RYR3: variants seen among roughly 807,000 people sequenced by gnomAD.
RYR3 encodes the protein brain ryanodine receptor-calcium release channel.
In RYR3, 207 loss-of-function variants were observed where a neutral mutation model predicts 584.3. The observed-to-expected ratio is 0.35, with a 90% CI of 0.32 to 0.40. The LOEUF is 0.40. Ranked by LOEUF, RYR3 falls within the 10% of genes least tolerant of loss-of-function variation. RYR3 has a pLI of 1.00. For missense variants in RYR3, 5,616 were observed against 6,089.2 expected, an observed-to-expected ratio of 0.92 and a Z score of 2.59; for synonymous variants, 2,416 against 2,248.5, an observed-to-expected ratio of 1.07 and a Z score of -2.11.
chr15:33,781,772 C>T (rs74008304), intron 65 of RYR3, among the ~76,000 whole-genome samples: 3 of 151,380 alleles, frequency 2.0e-5, no homozygotes, highest in East Asian at 1.9e-4. Context: ...TCCAAAGTCC[C>T]GTATGAAATC....
rs140107936 is a variant in RYR3 at position 33,862,120 on chromosome 15, T to C, written c.14465+942T>C. The stretch of plus-strand genomic sequence containing the variant: ...TTATTACCTGATAACTCAGACCCTG[T>C]AACTGTTCATTTACAAGAAAAAAAA... On this transcript the variant is annotated intron_variant, in intron 102 of 103. Coordinates refer to ENST00000634891, the MANE Select transcript of RYR3 (RefSeq NM_001036.6). 4.8e-3 allele frequency among the ~76,000 whole-genome samples: 735 copies of C among 152,198 alleles called. 2 individuals are homozygous for C. Among genetic ancestry groups the C allele is most frequent in the African/African-American group, 0.017 (698 of 41,454 alleles).
At chr15:33,746,584 A>G (rs2070737434) in intron 53 of RYR3, among the ~76,000 whole-genome samples, 1 of 151,866 alleles carries the variant, frequency 6.6e-6, no homozygotes, top group South Asian at 2.1e-4. Flanking sequence ...GGATTGCTTG[A>G]GGTCAGGGCT....
intron 1 of RYR3, among the ~76,000 whole-genome samples, chr15:33,415,612 C>T (rs965096324): frequency 2.6e-5 from 4 of 151,996 alleles, no homozygotes; most frequent in East Asian, 1.9e-4. Flanking sequence ...AAGCAAAGAC[C>T]GTGAGACCAC....
At chr15:33,352,544 G>A (rs755074053) in intron 1 of RYR3, among the ~76,000 whole-genome samples, 3 of 152,136 alleles carry the variant, frequency 2.0e-5, no homozygotes, top group Non-Finnish European at 4.4e-5. Context: ...CAATGAGGAG[G>A]TGCACAAAAT....
intron 64 of RYR3, among the ~76,000 whole-genome samples, chr15:33,775,374 G>A (rs1263417532): frequency 6.6e-6 from 1 of 152,052 alleles, no homozygotes; most frequent in African/African-American, 2.4e-5. Context: ...AAATGGAGGA[G>A]AATGAACAGG....
At chr15:33,345,793 G>A (rs1482044054) in intron 1 of RYR3, among the ~76,000 whole-genome samples, 1 of 152,172 alleles carries the variant, frequency 6.6e-6, no homozygotes, top group Non-Finnish European at 1.5e-5. Flanking sequence ...AAAAGAATAT[G>A]CTCTGTTTAC....
chr15:33,599,932 C>T (rs1218836878), intron 16 of RYR3, among the ~76,000 whole-genome samples: 2 of 152,082 alleles, frequency 1.3e-5, no homozygotes, highest in African/African-American at 4.8e-5. Flanking sequence ...TGGATTAAGC[C>T]CTGCTTTCCC....
At chr15:33,372,738 T>G (rs2040434629) in intron 1 of RYR3, among the ~76,000 whole-genome samples, 1 of 151,980 alleles carries the variant, frequency 6.6e-6, no homozygotes, top group East Asian at 1.9e-4. Context: ...ACTCCTGAGC[T>G]CAGGCAATCC....
intron 10 of RYR3, among the ~76,000 whole-genome samples, chr15:33,559,590 G>T (rs1048479613): frequency 7.9e-5 from 12 of 152,100 alleles, no homozygotes; most frequent in African/African-American, 2.9e-4. Context: ...TGATTTCAGG[G>T]GGCTGTAAGC....
intron 43 of RYR3, among the ~76,000 whole-genome samples, chr15:33,714,587 AG>A (rs1160310939): frequency 1.3e-5 from 2 of 152,198 alleles, no homozygotes; most frequent in Non-Finnish European, 2.9e-5. Context: ...GAGAAGGAAA[AG>A]GTTTCCTATC....
At chr15:33,541,775 A>T (rs1848499411) in intron 7 of RYR3, among the ~76,000 whole-genome samples, 1 of 152,160 alleles carries the variant, frequency 6.6e-6, no homozygotes, top group Admixed American at 6.6e-5. Context: ...AGGAAAAGAC[A>T]AATTCTTAAC....
intron 14 of RYR3, among the ~76,000 whole-genome samples, chr15:33,582,297 A>G (rs1157814673): frequency 1.3e-5 from 2 of 152,172 alleles, no homozygotes; most frequent in Non-Finnish European, 2.9e-5. Context: ...GTGATAAGCT[A>G]GTACTTTAGG....
chr15:33,606,165 T>C (rs1315883955), intron 18 of RYR3, among the ~76,000 whole-genome samples: 1 of 152,210 alleles, frequency 6.6e-6, no homozygotes, highest in Non-Finnish European at 1.5e-5. Flanking sequence ...ATGTTTCTTT[T>C]TTTTATATTG....
rs1277773454 is a variant in RYR3, at chr15:33,726,417, G to A, written c.6944G>A (p.Arg2315His). ...LIQTGKGEAIRIRSILRSLVP... is the reference protein window; with the variant it reads ...LIQTGKGEAIHIRSILRSLVP... ...CAGACAGGAAAGGGGGAAGCCATCC[G>A]CATCAGGTCCATCCTGCGCTCCCTG... Residue 2315 changes from arginine to histidine, a missense_variant, in exon 46 of 104, where the codon CGC becomes CAC. Arg to His is a conservative substitution (Grantham distance 29, BLOSUM62 0). Coordinates refer to ENST00000634891, the MANE Select transcript of RYR3 (RefSeq NM_001036.6). 2 of 1,612,626 alleles carry A rather than the reference G, an allele frequency of 1.2e-6. No individual in the cohort carries two copies. Among genetic ancestry groups the A allele is most frequent in the Non-Finnish European group, 1.7e-6 (2 of 1,179,372 alleles).
intron 57 of RYR3, among the ~76,000 whole-genome samples, chr15:33,754,705 A>AT (rs2071646370): frequency 1.3e-5 from 2 of 152,066 alleles, no homozygotes; most frequent in South Asian, 4.1e-4. Flanking sequence ...TTCTGCTTTA[A>AT]TTTTTCTTTT....
In RYR3 at chr15:33,652,902, G is replaced by A. The variant is rs751267074; in HGVS notation, c.4308+19G>A. On this transcript the variant is annotated intron_variant, in intron 32 of 103. Transcript: ENST00000634891. ...CTACCAGGTAAGGGCGGCTTCTGGG[G>A]CCGAAACAGGGCTATCCCAGGCCTG... The A allele has an allele frequency of 2.8e-5, 45 of 1,598,144 alleles. No homozygotes were observed. The highest frequency in any genetic ancestry group is 3.0e-5 in the Non-Finnish European group (35 of 1,172,026).
chr15:33,455,671 A>G (rs1193684107), intron 1 of RYR3, among the ~76,000 whole-genome samples: 2 of 152,244 alleles, frequency 1.3e-5, no homozygotes, highest in African/African-American at 4.8e-5. Flanking sequence ...AACAGACAAT[A>G]TCACACATTG....
chr15:33,502,828 G>A (rs1286048327), intron 2 of RYR3, among the ~76,000 whole-genome samples: 9 of 152,244 alleles, frequency 5.9e-5, no homozygotes, highest in Middle Eastern at 6.8e-3. Context: ...CTGTGCCTTC[G>A]TTTCCTTGGC....
chr15:33,667,073 A>G lies in RYR3; in HGVS notation c.5620-2281A>G, dbSNP rs77504661. 8.3e-3 allele frequency among the ~76,000 whole-genome samples: 1,267 copies of G among 152,238 alleles called. 21 individuals carry two copies. Among genetic ancestry groups the G allele is most frequent in the African/African-American group, 0.029 (1,215 of 41,566 alleles). ...AAACGTGACCCAACCTGTTCTGTGG[A>G]TATTTTTTCTTACAAACAATACCTC... On this transcript the variant is annotated intron_variant, in intron 36 of 103. Transcript: ENST00000634891.
Sources: allele counts gnomAD v4.1 joint callset (sites outside exome capture counted in the v4.1 genomes callset), GRCh38; gene constraint gnomAD v4.1.1; transcripts MANE v1.5; gene names NCBI Gene and HGNC (gene_info 2026-07-23, HGNC 2026-07-21).